Variants in CDH23 observed in about 807,000 individuals in gnomAD.
CDH23 encodes the protein cadherin related 23.
A neutral mutation model predicts 317.1 loss-of-function variants in CDH23; 189 were observed. That is an observed-to-expected ratio of 0.60 (90% CI 0.53 to 0.67). The LOEUF (loss-of-function observed/expected upper bound fraction) is 0.67, where lower values mean the gene tolerates loss of function less well. Among genes scored for constraint, CDH23 ranks in the 30% least tolerant of loss-of-function variants. The probability of loss-of-function intolerance (pLI) is 0.00; values close to 1 mark genes in which losing one functional copy is unlikely to be tolerated. For synonymous variants in CDH23, 1,839 were observed against 1,876.8 expected (o/e 0.98, Z 0.52); for missense variants, 4,401 against 4,592.4 (o/e 0.96, Z 1.20).
chr10:71,760,088 C>CACATAT lies in CDH23; in HGVS notation c.4846-17591_4846-17590insCATATA, dbSNP rs1564779813. On this transcript the variant is annotated intron_variant, in intron 38 of 69. Transcript: ENST00000224721. ...ACACACACACATATATATACACACA[C>CACATAT]ATATACACACACACATACATACATA... Among the ~76,000 whole-genome samples, 79 of 125,766 alleles carry CACATAT rather than the reference C, an allele frequency of 6.3e-4. 5 individuals are homozygous for CACATAT. The highest frequency in any genetic ancestry group is 2.2e-3 in the African/African-American group (78 of 35,292). 82.5% of individuals were successfully genotyped at this position (125,766 alleles called of 152,430 possible). A position where few individuals can be genotyped will look rare whatever the true frequency, so the allele number is the denominator to read the frequency against.
chr10:71,645,718 C>T (rs888297508), intron 12 of CDH23, 113 bp from the exon 13 acceptor site: 1 of 1,262,180 alleles, frequency 7.9e-7, no homozygotes, highest in Non-Finnish European at 1.1e-6. Flanking sequence ...CATCCATTGC[C>T]CCAACCAAAG....
intron 38 of CDH23, among the ~76,000 whole-genome samples, chr10:71,774,650 G>A (rs2132919895): frequency 6.6e-6 from 1 of 152,356 alleles, no homozygotes; most frequent in South Asian, 2.1e-4. Context: ...ATTGTGTGAT[G>A]GAGGAGCAGA....
rs539687090 is a variant in CDH23, at chr10:71,695,794, G to A, written c.2397+269G>A. 1.4e-3 allele frequency among the ~76,000 whole-genome samples: 209 copies of A among 152,310 alleles called. 1 individual carries two copies. The highest frequency in any genetic ancestry group is 4.8e-3 in the African/African-American group (201 of 41,570). Reference sequence around the variant, plus strand: ...GCAGCCCAGGGACAGTGGCAGGGGAGCTCTGGCCGGTTCCGCTTGTGAGCC... The same window carrying A: ...GCAGCCCAGGGACAGTGGCAGGGGAACTCTGGCCGGTTCCGCTTGTGAGCC... On this transcript the variant is annotated intron_variant, in intron 22 of 69. Coordinates refer to ENST00000224721, the MANE Select transcript of CDH23 (RefSeq NM_022124.6).
At chr10:71,755,591 T>C in intron 38 of CDH23, 3 of 857,152 alleles carry the variant, frequency 3.5e-6, no homozygotes, top group Non-Finnish European at 5.5e-6. Context: ...GTCCCACAGC[T>C]AGACCCCCAG....
intron 14 of CDH23, among the ~76,000 whole-genome samples, chr10:71,649,197 T>G (rs1362078806): frequency 6.6e-6 from 1 of 151,978 alleles, no homozygotes; most frequent in Non-Finnish European, 1.5e-5. Flanking sequence ...ACCCGGCAGC[T>G]CTCTGCTCAG....
intron 9 of CDH23, among the ~76,000 whole-genome samples, chr10:71,607,894 C>T (rs759363944): frequency 1.1e-4 from 17 of 152,174 alleles, no homozygotes; most frequent in Admixed American, 7.2e-4. Context: ...TAGAACAAAA[C>T]TCTGTCTCAA....
At chr10:71,778,335 T>A (rs972393936) in intron 40 of CDH23, 27 bp downstream of exon 40, 4 of 1,613,110 alleles carry the variant, frequency 2.5e-6, no homozygotes, top group Non-Finnish European at 2.5e-6. Flanking sequence ...CAGCCCCAAC[T>A]TGGGCTTGGA....
intron 6 of CDH23, among the ~76,000 whole-genome samples, chr10:71,565,868 C>T (rs1857369504): frequency 6.6e-6 from 1 of 152,254 alleles, no homozygotes. Context: ...AACTCTAGCA[C>T]TTGTCTGCTT....
chr10:71,740,029 A>G (rs1371683695), intron 36 of CDH23, among the ~76,000 whole-genome samples: 3 of 152,208 alleles, frequency 2.0e-5, no homozygotes, highest in Admixed American at 6.5e-5. Context: ...TGTAAGAGCC[A>G]GGAGGATGAG....
At chr10:71,599,215 T>C (rs1015263345) in intron 9 of CDH23, among the ~76,000 whole-genome samples, 2 of 152,260 alleles carry the variant, frequency 1.3e-5, no homozygotes, top group Non-Finnish European at 2.9e-5. Flanking sequence ...GCTCTTCTTT[T>C]TGTTCTTGTT....
chr10:71,432,679 C>G (rs67081277), intron 1 of CDH23, among the ~76,000 whole-genome samples: 54,828 of 152,076 alleles, frequency 0.36, 12,289 homozygotes, highest in East Asian at 0.5. Context: ...CATTCTGCTG[C>G]TCGTGGCTGC....
intron 53 of CDH23, among the ~76,000 whole-genome samples, chr10:71,801,449 C>T (rs1841557057): frequency 1.3e-5 from 2 of 151,986 alleles, no homozygotes; most frequent in Non-Finnish European, 2.9e-5. Context: ...CCACCGAGCC[C>T]GGCCTATTTA....
intron 14 of CDH23, among the ~76,000 whole-genome samples, chr10:71,662,087 A>C (rs966446882): frequency 6.6e-6 from 1 of 151,002 alleles, no homozygotes; most frequent in African/African-American, 2.4e-5. Flanking sequence ...CCCGCGTGGG[A>C]CTTTGACCTT....
intron 38 of CDH23, among the ~76,000 whole-genome samples, chr10:71,775,804 C>T (rs1840804631): frequency 6.6e-6 from 1 of 152,114 alleles, no homozygotes; most frequent in African/African-American, 2.4e-5. Flanking sequence ...TGGTGAAGGC[C>T]CCAAATATTC....
At chr10:71,642,307 G>T (rs1215669966) in intron 11 of CDH23, among the ~76,000 whole-genome samples, 1 of 151,546 alleles carries the variant, frequency 6.6e-6, no homozygotes, top group African/African-American at 2.4e-5. Context: ...GGGAATGCCC[G>T]CATCAGACAT....
chr10:71,703,969 G>A (rs2132737254), intron 24 of CDH23, among the ~76,000 whole-genome samples: 2 of 152,322 alleles, frequency 1.3e-5, no homozygotes, highest in Middle Eastern at 6.8e-3. Flanking sequence ...ACACGATGAG[G>A]GCCCTCCCTT....
chr10:71,666,629 A>T (rs1358276117), intron 14 of CDH23, among the ~76,000 whole-genome samples: 1 of 152,072 alleles, frequency 6.6e-6, no homozygotes, highest in African/African-American at 2.4e-5. Flanking sequence ...GGCAGACTGG[A>T]TGGTATTTGC....
chr10:71,545,670 C>T (rs927643013), intron 6 of CDH23, among the ~76,000 whole-genome samples: 4 of 152,168 alleles, frequency 2.6e-5, no homozygotes, highest in South Asian at 2.1e-4. Context: ...GCTGTTGGCA[C>T]CTTTCATCTA....
rs1841317624 is a variant in CDH23, at chr10:71,793,428, T to G, written c.6500T>G (p.Ile2167Ser). ...TAIVTILIDD[I>S]NDSRPEFLNP... ...ATTGTCACCATTCTGATCGATGACATCAATGACTCCCGCCCCGAGTTCCTC... is the reference window on the plus strand; with the variant it reads ...ATTGTCACCATTCTGATCGATGACAGCAATGACTCCCGCCCCGAGTTCCTC... The change falls in exon 48 of 70, where the codon ATC becomes AGC. Residue 2167 changes from isoleucine (I) to serine (S), a missense_variant. Around this residue, in one of 3 missense-constraint regions of CDH23, gnomAD observed 3,068 missense variants for 3,203.3 expected, o/e 0.96. Transcript: ENST00000224721. The G allele has an allele frequency of 1.2e-6, 2 of 1,613,870 alleles. No individual in the cohort carries two copies. Among genetic ancestry groups the G allele is most frequent in the Non-Finnish European group, 1.7e-6 (2 of 1,179,908 alleles).
Sources: allele counts gnomAD v4.1 joint callset (sites outside exome capture counted in the v4.1 genomes callset), GRCh38; gene constraint gnomAD v4.1.1; regional missense constraint gnomAD v4.1.1; transcripts MANE v1.5; gene names NCBI Gene and HGNC (gene_info 2026-07-23, HGNC 2026-07-21).